MAU2: variants seen among roughly 807,000 people sequenced by gnomAD.
MAU2 encodes the protein MAU2 chromatid cohesion factor homolog.
In MAU2, 9 loss-of-function variants were observed where a neutral mutation model predicts 89.1. The observed-to-expected ratio is 0.10, with a 90% CI of 0.06 to 0.18. The LOEUF (loss-of-function observed/expected upper bound fraction) is 0.18. Ranked by LOEUF, MAU2 falls within the 10% of genes least tolerant of loss-of-function variation. The pLI is 1.00. For synonymous variants in MAU2, 357 were observed against 343.4 expected, an observed-to-expected ratio of 1.04 and a Z score of -0.44; for missense variants, 425 against 803.5, an observed-to-expected ratio of 0.53 and a Z score of 5.69.
chr19:19,349,927 C>G (rs980945739), intron 16 of MAU2, among the ~76,000 whole-genome samples: 35 of 151,648 alleles, frequency 2.3e-4, no homozygotes, highest in Non-Finnish European at 4.9e-4. Context: ...TCAGTCCTTC[C>G]TGTCAATTCC....
chr19:19,340,121 C>T (rs145171562), intron 5 of MAU2, among the ~76,000 whole-genome samples: 5,070 of 148,950 alleles, frequency 0.034, 307 homozygotes, highest in African/African-American at 0.12. Context: ...GCTGAGATCG[C>T]GCCACTGCAC....
intron 16 of MAU2, among the ~76,000 whole-genome samples, chr19:19,350,196 T>C (rs1316562953): frequency 6.6e-6 from 1 of 150,522 alleles, no homozygotes; most frequent in Non-Finnish European, 1.5e-5. Flanking sequence ...CTCGGGAGGC[T>C]GAGGCATGAG....
At chr19:19,355,667 G>C in intron 18 of MAU2, 41 bp from the exon 19 acceptor site, 1 of 1,533,820 alleles carries the variant, frequency 6.5e-7, no homozygotes, top group Non-Finnish European at 8.9e-7. Context: ...CCCTGGGAAC[G>C]GTCCACAGTG....
At chr19:19,350,270 T>C (rs1392927000) in intron 16 of MAU2, among the ~76,000 whole-genome samples, 1 of 133,206 alleles carries the variant, frequency 7.5e-6, no homozygotes, top group Non-Finnish European at 1.5e-5. Flanking sequence ...CACTCCAGCC[T>C]GGGCAACAGA....
intron 2 of MAU2, 115 bp downstream of exon 2, chr19:19,335,850 C>T: frequency 8.2e-7 from 1 of 1,219,566 alleles, no homozygotes; most frequent in South Asian, 1.2e-5. Context: ...AGGCTCGGCC[C>T]ACAGAGCACC....
At chr19:19,340,511 C>T (rs1397955320) in intron 5 of MAU2, among the ~76,000 whole-genome samples, 4 of 143,350 alleles carry the variant, frequency 2.8e-5, no homozygotes, top group East Asian at 4.2e-4. Flanking sequence ...TGGTGGCGGG[C>T]GCCTGTAGTC....
intron 6 of MAU2, 57 bp from the exon 7 acceptor site, chr19:19,341,195 G>A: frequency 3.8e-6 from 6 of 1,565,066 alleles, no homozygotes; most frequent in Non-Finnish European, 4.3e-6. Context: ...TGTGCTCCCG[G>A]TCCTGGGAGG....
At chr19:19,335,856 G>A (rs1324164917) in intron 2 of MAU2, 121 bp downstream of exon 2, 1 of 1,173,830 alleles carries the variant, frequency 8.5e-7, no homozygotes, top group Non-Finnish European at 1.3e-6. Context: ...GGCCCACAGA[G>A]CACCTGGAGT....
At chr19:19,340,958 C>A in intron 6 of MAU2, 85 bp downstream of exon 6, 2 of 1,562,750 alleles carry the variant, frequency 1.3e-6, no homozygotes, top group African/African-American at 1.4e-5. Context: ...AGACCCCACC[C>A]ACTCTCCATG....
chr19:19,331,525 G>A (rs896922612), intron 1 of MAU2, among the ~76,000 whole-genome samples: 3 of 151,736 alleles, frequency 2.0e-5, no homozygotes, highest in African/African-American at 4.8e-5. Flanking sequence ...TCACGTAGAT[G>A]AGGTAGCAAC....
At chr19:19,348,838 C>A in intron 13 of MAU2, 51 bp from the exon 14 acceptor site, 1 of 1,598,730 alleles carries the variant, frequency 6.3e-7, no homozygotes, top group Non-Finnish European at 8.6e-7. Context: ...TCTTGGGGAC[C>A]TTTCTCCTGT....
chr19:19,343,760 A>G, intron 9 of MAU2, 77 bp from the exon 10 acceptor site: 3 of 1,052,300 alleles, frequency 2.9e-6, no homozygotes, highest in Non-Finnish European at 4.4e-6. Context: ...GACAGGAACG[A>G]GGTGGGGGCA....
At chr19:19,352,157 C>G (rs2061750455) in intron 16 of MAU2, 1 of 151,694 alleles carries the variant, frequency 6.6e-6, no homozygotes, top group South Asian at 2.1e-4. Flanking sequence ...TTATATTTGC[C>G]TTTCTCCACA....
chr19:19,341,247 C>T lies in MAU2; in HGVS notation c.580-5C>T, dbSNP rs1467112083. ...TACCCTACACCTGCGCCTCTCCCTC[C>T]CCAGCTGCTGCTGATGGAGCGAAAG... is the stretch of plus-strand genomic sequence containing the variant. On this transcript the variant is annotated splice_polypyrimidine_tract_variant and splice_region_variant and intron_variant, in intron 6 of 18. Transcript: ENST00000262815. 6.2e-7 allele frequency: 1 copy of T among 1,610,006 alleles called. No homozygotes were observed. Among genetic ancestry groups the T allele is most frequent in the African/African-American group, 1.3e-5 (1 of 74,856 alleles).
intron 1 of MAU2, among the ~76,000 whole-genome samples, chr19:19,321,349 C>T (rs2061453916): frequency 6.6e-6 from 1 of 152,178 alleles, no homozygotes; most frequent in Admixed American, 6.5e-5. Context: ...CCTTATTTCC[C>T]GTTTCTGGTG....
chr19:19,330,362 AGGT>A (rs1390818355), intron 1 of MAU2, among the ~76,000 whole-genome samples: 1 of 151,854 alleles, frequency 6.6e-6, no homozygotes, highest in Non-Finnish European at 1.5e-5. Flanking sequence ...TGGGAGGCTG[AGGT>A]GGTAGTATCT....
In MAU2 at chr19:19,320,982, G is replaced by T. The variant is rs750985423; in HGVS notation, c.123G>T (p.Pro41=). ...CTGAGCACTTCCGCACTTCCAGCCC[G>T]CCCAAAATCCGCCTGTGCGTGCACT... The part of the protein sequence containing the change: ...GFAEHFRTSS[P]PKIRLCVHCL... Residue 41 remains proline (P), a synonymous_variant, in exon 1 of 19, where the codon CCG becomes CCT. Transcript: ENST00000262815. 24 of 1,607,026 alleles carry T rather than the reference G, an allele frequency of 1.5e-5. No homozygotes were observed. The highest frequency in any genetic ancestry group is 2.0e-5 in the Non-Finnish European group (23 of 1,176,890).
At chr19:19,329,312 C>G (rs2061536297) in intron 1 of MAU2, among the ~76,000 whole-genome samples, 1 of 152,150 alleles carries the variant, frequency 6.6e-6, no homozygotes, top group Non-Finnish European at 1.5e-5. Context: ...ATTTCCTTCC[C>G]TCTCACTCTT....
chr19:19,326,717 T>TATACATATATATATATATACAC, intron 1 of MAU2, among the ~76,000 whole-genome samples: 1 of 105,882 alleles, frequency 9.4e-6, no homozygotes, highest in Non-Finnish European at 2.0e-5. Context: ...TATATATATA[T>TATACATATATATATATATACAC]ATACATATAT....
Sources: allele counts gnomAD v4.1 joint callset (sites outside exome capture counted in the v4.1 genomes callset), GRCh38; gene constraint gnomAD v4.1.1; transcripts MANE v1.5; gene names NCBI Gene and HGNC (gene_info 2026-07-23, HGNC 2026-07-21).